EEF1A2: variants seen among roughly 807,000 people sequenced by gnomAD.
The protein encoded by EEF1A2 is eukaryotic translation elongation factor 1 alpha 2, also known as elongation factor 1-alpha 2.
A neutral mutation model predicts 39.3 loss-of-function variants in EEF1A2; 5 were observed. The observed-to-expected ratio is 0.13, with a 90% CI of 0.07 to 0.27. EEF1A2 has a LOEUF of 0.27. EEF1A2 is among the 10% of genes least tolerant of loss of function. The pLI, the probability that EEF1A2 is intolerant of heterozygous loss-of-function variation, is 1.00. For missense variants in EEF1A2, 218 were observed against 681.4 expected (o/e 0.32, Z 7.57); for synonymous variants, 287 against 293.7 (o/e 0.98, Z 0.23).
chr20:63,491,310 C>A (rs1447329503), intron 5 of EEF1A2, among the ~76,000 whole-genome samples: 1 of 152,248 alleles, frequency 6.6e-6, no homozygotes, highest in African/African-American at 2.4e-5. Context: ...CACAGCGGCA[C>A]ATGAGCGTCC....
At chr20:63,492,551 T>TTG in intron 5 of EEF1A2, among the ~76,000 whole-genome samples, 1 of 16,064 alleles carries the variant, frequency 6.2e-5, no homozygotes, top group Admixed American at 5.5e-4. Context: ...GATGGATGGA[T>TTG]AGAGAGAAGG....
intron 7 of EEF1A2, 72 bp downstream of exon 7, chr20:63,488,846 C>G: frequency 6.6e-7 from 1 of 1,520,216 alleles, no homozygotes; most frequent in East Asian, 2.3e-5. Flanking sequence ...GCCCCATCCC[C>G]GCAGTCCTCT....
In EEF1A2 at chr20:63,492,390, G is replaced by GGGGA. The variant is rs769905403; in HGVS notation, c.772+746_772+747insTCCC. Among the ~76,000 whole-genome samples, 13 of 129,660 alleles carry GGGGA rather than the reference G, an allele frequency of 1.0e-4. No homozygotes were observed. The East Asian group carries it at 2.7e-3, about 27-fold the overall frequency. 85.1% of individuals were successfully genotyped at this position (129,660 alleles called of 152,430 possible). On this transcript the variant is annotated intron_variant, in intron 5 of 7. Transcript: ENST00000217182. ...GATAGAGAGAAGGATGGATGGGTGG[G>GGGGA]TAGATGGATGGATGGATGGATGGAT...
chr20:63,492,166 ATGGGTGGGTAGGTG>A lies in EEF1A2; in HGVS notation c.772+957_772+970del, dbSNP rs2082386557. 4.6e-3 allele frequency among the ~76,000 whole-genome samples: 3 copies of A among 654 alleles called. 1 individual carries two copies. The highest frequency in any genetic ancestry group is 3.1e-3 in the Non-Finnish European group (1 of 320). 0.4% of individuals were successfully genotyped at this position (654 alleles called of 152,430 possible). On this transcript the variant is annotated intron_variant, in intron 5 of 7. Transcript: ENST00000217182. ...GATGGGGAGGTGGATGGATGGATGT[ATGGGTGGGTAGGTG>A]GGTGGATAGATGGATGGATGGATGG...
chr20:63,496,318 C>T (rs751105990), intron 2 of EEF1A2: 2 of 473,812 alleles, frequency 4.2e-6, no homozygotes, highest in Non-Finnish European at 7.6e-6. Flanking sequence ...GCTCTACGAG[C>T]GAAGCCGCCA....
At position 63,498,889 on chromosome 20, in the gene EEF1A2, C is replaced by G. The variant is rs1359726756; in HGVS notation, c.-72+169G>C. The stretch of plus-strand genomic sequence containing the variant: ...GGCCCCGCCGCCCCGCGCCGCCCCC[C>G]ACCCCGGGCCCAGCCCGGCCGACGC... On this transcript the variant is annotated intron_variant, in intron 1 of 7. Transcript: ENST00000217182. This position sits in a 1 kb window ranked among gnomAD's most constrained non-coding sequence, Gnocchi z 4.1. 1.3e-5 allele frequency: 2 copies of G among 149,952 alleles called. No individual in the cohort carries two copies. The highest frequency in any genetic ancestry group is 3.0e-5 in the Non-Finnish European group (2 of 67,288). The allele number at this position is 149,952 out of a possible 1,614,324, so 9.3% of individuals were successfully genotyped here.
chr20:63,490,069 T>TTTTTTTTTTTTTTTTTTTTC (rs1352602899), intron 6 of EEF1A2: 4 of 74,430 alleles, frequency 5.4e-5, no homozygotes, highest in South Asian at 4.2e-4. Context: ...TCCCTTTTCT[T>TTTTTTTTTTTTTTTTTTTTC]TTTTTTTTTT....
chr20:63,493,836 C>G (rs777429625), intron 4 of EEF1A2, among the ~76,000 whole-genome samples: 2 of 152,366 alleles, frequency 1.3e-5, no homozygotes, highest in South Asian at 4.1e-4. Flanking sequence ...GGGGAGGGGG[C>G]CGGCAGCACA....
rs772778154 is a variant in EEF1A2 at position 63,495,121 on chromosome 20, G to C, written c.325-20C>G. The C allele has an allele frequency of 5.6e-6, 9 of 1,601,168 alleles. No individual in the cohort carries two copies. Among genetic ancestry groups the C allele is most frequent in the Middle Eastern group, 1.7e-4 (1 of 6,042 alleles). Reference sequence around the variant, plus strand: ...GTCCGCCTGCCCGGCAGGGGACACAGTGAGCCCTGCCCCGCCTGCCTGGCA... The same window carrying C: ...GTCCGCCTGCCCGGCAGGGGACACACTGAGCCCTGCCCCGCCTGCCTGGCA... On this transcript the variant is annotated intron_variant, in intron 3 of 7. Transcript: ENST00000217182.
intron 5 of EEF1A2, among the ~76,000 whole-genome samples, chr20:63,492,556 AGAAG>A (rs1332505260): frequency 0.021 from 204 of 9,758 alleles, no homozygotes; most frequent in Non-Finnish European, 0.026. Flanking sequence ...ATGGATAGAG[AGAAG>A]GATGGATGGG....
At chr20:63,493,372 ACTG>A (rs2082400060) in intron 4 of EEF1A2, 85 bp from the exon 5 acceptor site, 1 of 1,417,762 alleles carries the variant, frequency 7.1e-7, no homozygotes, top group East Asian at 2.7e-5. Context: ...TTCCAGGAGT[ACTG>A]CTGTTCAGGC....
chr20:63,497,455 C>T lies in EEF1A2; in HGVS notation c.144+165G>A, dbSNP rs2082423612. On this transcript the variant is annotated intron_variant, in intron 2 of 7. Transcript: ENST00000217182. The surrounding 1 kb of genome is among the most constrained non-coding windows in gnomAD (Gnocchi z 7.3). Reference sequence around the variant, plus strand: ...AGCTCCCCCTAAGAGAGAGGCTGCCCCACCAGACCCTCTGAGGCCTGAGTG... The same window carrying T: ...AGCTCCCCCTAAGAGAGAGGCTGCCTCACCAGACCCTCTGAGGCCTGAGTG... The T allele has an allele frequency of 1.7e-5, 19 of 1,129,534 alleles. No individual in the cohort carries two copies. In the South Asian group the frequency reaches 2.4e-4, roughly 14 times the overall value. 70.0% of individuals were successfully genotyped at this position (1,129,534 alleles called of 1,614,324 possible).
chr20:63,494,712 C>T, intron 4 of EEF1A2, 93 bp downstream of exon 4: 4 of 1,473,728 alleles, frequency 2.7e-6, no homozygotes, highest in Non-Finnish European at 3.6e-6. Flanking sequence ...GGGGACAGGC[C>T]CTCGACCTCC....
chr20:63,489,214 G>T (rs145000334), intron 6 of EEF1A2, 62 bp from the exon 7 acceptor site: 21 of 1,538,596 alleles, frequency 1.4e-5, no homozygotes, highest in Non-Finnish European at 1.8e-5. Flanking sequence ...GAGGGCGCCA[G>T]AGCGGGGCTG....
At chr20:63,496,145 C>T in intron 2 of EEF1A2, 110 bp from the exon 3 acceptor site, 1 of 1,317,490 alleles carries the variant, frequency 7.6e-7, no homozygotes, top group East Asian at 2.4e-5. Context: ...GAGATGGGCT[C>T]CAGCACCCCC....
chr20:63,488,524 T>C (rs969200992), intron 7 of EEF1A2, 99 bp from the exon 8 acceptor site: 310 of 1,284,252 alleles, frequency 2.4e-4, no homozygotes, highest in Non-Finnish European at 3.0e-4. Context: ...GTCGGGAATG[T>C]CCTCGGAACA....
chr20:63,490,232 A>C, intron 6 of EEF1A2: 9 of 410,472 alleles, frequency 2.2e-5, no homozygotes, highest in Non-Finnish European at 3.1e-5. Flanking sequence ...ACGCCTGGCT[A>C]ATTTTTGTAT....
intron 5 of EEF1A2, among the ~76,000 whole-genome samples, chr20:63,492,396 G>GGATGGATGGATA (rs2082389679): frequency 9.7e-6 from 1 of 102,996 alleles, no homozygotes; most frequent in South Asian, 2.8e-4. Flanking sequence ...GTGGGTAGAT[G>GGATGGATGGATA]GATGGATGGA....
chr20:63,489,910 A>G (rs963770816), intron 6 of EEF1A2, among the ~76,000 whole-genome samples: 3 of 152,334 alleles, frequency 2.0e-5, no homozygotes, highest in East Asian at 3.9e-4. Context: ...GGACGAATGT[A>G]GGACCTCAAA....
Sources: gnomAD v4.1 joint callset for allele counts (sites outside exome capture counted in the v4.1 genomes callset) on GRCh38, gnomAD v4.1.1 for gene constraint, Gnocchi (gnomAD v3.1) non-coding constraint, MANE v1.5 for transcripts, NCBI Gene and HGNC (gene_info 2026-07-23, HGNC 2026-07-21) for gene names.